Variants in SLC6A12 observed in about 807,000 individuals in gnomAD.
The protein encoded by SLC6A12 is solute carrier family 6 member 12.
In SLC6A12, 50 loss-of-function variants were observed where a neutral mutation model predicts 73.3. The ratio of observed to expected loss-of-function variants is 0.68; its 90% CI spans 0.54 to 0.86. The LOEUF (loss-of-function observed/expected upper bound fraction) is 0.86. Among genes scored for constraint, SLC6A12 ranks in the 40% least tolerant of loss-of-function variants. The pLI is 0.00. For missense variants in SLC6A12, 648 were observed against 772.8 expected (o/e 0.84, Z 1.92); for synonymous variants, 304 against 309.2 (o/e 0.98, Z 0.18).
downstream of SLC6A12, among the ~76,000 whole-genome samples, chr12:185,116 T>C (rs1415574651): frequency 6.6e-6 from 1 of 152,190 alleles, no homozygotes; most frequent in Non-Finnish European, 1.5e-5. Flanking sequence ...TGAGTGTCTA[T>C]GTAAAACACC....
At chr12:188,373 G>T (rs948769595), downstream of SLC6A12, among the ~76,000 whole-genome samples, 4 of 152,048 alleles carry the variant, frequency 2.6e-5, no homozygotes, top group Non-Finnish European at 5.9e-5. Flanking sequence ...CTCCGATTGT[G>T]GGGCCCGCCG....
downstream of SLC6A12, among the ~76,000 whole-genome samples, chr12:189,589 C>G (rs2137095232): frequency 6.6e-6 from 1 of 152,284 alleles, no homozygotes; most frequent in East Asian, 1.9e-4. Context: ...TACGAATCAC[C>G]CCCCTCATCC....
At position 198,833 on chromosome 12, in the gene SLC6A12, G is replaced by T. The variant is rs575437623; in HGVS notation, c.810C>A (p.Tyr270Ter). The change falls in exon 8 of 16, where the codon TAC (tyrosine) becomes TAA (stop). Residue 270 changes from tyrosine (Y) to a stop codon, truncating the protein, a stop_gained. Transcript: ENST00000684302. LOFTEE classifies it high-confidence loss of function. This position sits in a 1 kb window ranked among gnomAD's most constrained non-coding sequence, Gnocchi z 4.0. The stretch of plus-strand genomic sequence containing the variant: ...TGAGGCGGAACAAATCTGGCTTCAA[G>T]TAGTAGATGATGCCCTGGTAGGCTC... Reference protein sequence around the residue: ...LPGAYQGIIYYLKPDLFRLKD... With the variant: ...LPGAYQGIIY The T allele has an allele frequency of 6.2e-7, 1 of 1,614,204 alleles. No homozygotes were observed. The highest frequency in any genetic ancestry group is 1.3e-5 in the African/African-American group (1 of 75,066).
intron 3 of SLC6A12, among the ~76,000 whole-genome samples, chr12:206,907 C>T (rs576417865): frequency 6.6e-6 from 1 of 152,372 alleles, no homozygotes; most frequent in South Asian, 2.1e-4. Context: ...GCAGAAGGTC[C>T]TTCCCTCCAA....
chr12:185,799 C>T (rs1939420391), downstream of SLC6A12, among the ~76,000 whole-genome samples: 2 of 152,226 alleles, frequency 1.3e-5, no homozygotes, highest in South Asian at 4.1e-4. Context: ...TCGCCAGGGC[C>T]CAGGGCACTG....
At chr12:202,697 AG>A (rs771161132) in intron 5 of SLC6A12, 42 bp downstream of exon 5, 2 of 1,595,702 alleles carry the variant, frequency 1.3e-6, no homozygotes, top group South Asian at 2.3e-5. Flanking sequence ...ACCGCAGCCC[AG>A]CCCCTAACAG....
intron 13 of SLC6A12, among the ~76,000 whole-genome samples, chr12:194,551 T>A (rs1939773236): frequency 2.0e-5 from 3 of 152,220 alleles, no homozygotes; most frequent in South Asian, 4.1e-4. Context: ...ACTCTCCCCC[T>A]GCACAGATTG....
In SLC6A12 at chr12:192,524, A is replaced by C; in HGVS notation, c.1655T>G (p.Leu552Arg). The change falls in exon 15 of 16, where the codon CTC becomes CGC. Residue 552 changes from leucine (L) to arginine (R), a missense_variant. By Grantham distance (102) the Leu-to-Arg change is moderately radical. Transcript: ENST00000684302. Reference protein sequence around the residue: ...LALSSMVCVPLFVVITLLKTR... With the variant: ...LALSSMVCVPRFVVITLLKTR... Reference sequence around the variant, plus strand: ...CTTCAGGAGGGTGATGACGACGAAGAGTGGGACACAGACCATGGAGGACAG... The same window carrying C: ...CTTCAGGAGGGTGATGACGACGAAGCGTGGGACACAGACCATGGAGGACAG... 3 of 1,614,120 alleles carry C rather than the reference A, an allele frequency of 1.9e-6. No homozygotes were observed. Among genetic ancestry groups the C allele is most frequent in the Non-Finnish European group, 2.5e-6 (3 of 1,180,028 alleles).
Position 198,105 on chromosome 12 carries a change from C to G in SLC6A12, c.847-102G>C, listed in dbSNP as rs1192670618. Reference sequence around the variant, plus strand: ...CCCCTGCAGCACCAGCCTGGCCCCTCAGTGCTCCCTGAGCGCTTCCCTCCT... The same window carrying G: ...CCCCTGCAGCACCAGCCTGGCCCCTGAGTGCTCCCTGAGCGCTTCCCTCCT... On this transcript the variant is annotated intron_variant, in intron 8 of 15. Transcript: ENST00000684302. This position sits in a 1 kb window ranked among gnomAD's most constrained non-coding sequence, Gnocchi z 4.0. The G allele has an allele frequency of 1.1e-6, 1 of 873,046 alleles. No individual in the cohort carries two copies. Among genetic ancestry groups the G allele is most frequent in the South Asian group, 1.5e-5 (1 of 67,658 alleles). 54.1% of individuals were successfully genotyped at this position (873,046 alleles called of 1,614,324 possible). A position where few individuals can be genotyped will look rare whatever the true frequency, so the allele number is the denominator to read the frequency against.
chr12:184,681 C>T, the SLC6A12 span, among the ~76,000 whole-genome samples: 1 of 152,068 alleles, frequency 6.6e-6, no homozygotes, highest in African/African-American at 2.4e-5. Context: ...ACCCGGGAGG[C>T]GGAGCTTGCA....
intron 10 of SLC6A12, among the ~76,000 whole-genome samples, 195 bp downstream of exon 10, chr12:197,182 C>T (rs4994258): frequency 2.9e-3 from 238 of 83,440 alleles, no homozygotes; most frequent in Middle Eastern, 6.0e-3. Flanking sequence ...TCCATCCATC[C>T]ATCCATCCAT....
rs201019314 is a variant in SLC6A12, at chr12:210,031, C to T, written c.-45G>A. On this transcript the variant is annotated 5_prime_UTR_variant, in exon 3 of 16. Transcript: ENST00000684302. ...AAGCCCCGCTGGGTGGGCAGGATGACGAGGGCCAAAGCCTGGTGGGAAGAG... is the reference window on the plus strand; with the variant it reads ...AAGCCCCGCTGGGTGGGCAGGATGATGAGGGCCAAAGCCTGGTGGGAAGAG... The T allele has an allele frequency of 1.9e-5, 30 of 1,606,276 alleles. No homozygotes were observed. In the African/African-American group the frequency reaches 1.9e-4, roughly 10 times the overall value.
chr12:204,445 C>T (rs1309946716), intron 4 of SLC6A12, 119 bp downstream of exon 4: 22 of 1,011,458 alleles, frequency 2.2e-5, no homozygotes, highest in Middle Eastern at 3.1e-4. Context: ...CTGCACTTGG[C>T]GCAGGATATG....
Position 192,570 on chromosome 12 carries a change from A to C in SLC6A12, c.1609T>G (p.Ser537Ala). 1 of 1,614,012 alleles carries C rather than the reference A, an allele frequency of 6.2e-7. No individual in the cohort carries two copies. Among genetic ancestry groups the C allele is most frequent in the Non-Finnish European group, 8.5e-7 (1 of 1,179,930 alleles). ...GACAGAGCCAGGAACCAGCCAATGG[A>C]GTATCCCCAGGGCGGGTACACATAG... ...NVYVYPPWGYSIGWFLALSSM... is the reference protein window; with the variant it reads ...NVYVYPPWGYAIGWFLALSSM... Residue 537 changes from serine to alanine, a missense_variant, in exon 15 of 16, where the codon TCC becomes GCC. Transcript: ENST00000684302.
intron 3 of SLC6A12, among the ~76,000 whole-genome samples, chr12:208,678 T>C (rs987944201): frequency 1.3e-5 from 2 of 152,136 alleles, no homozygotes; most frequent in African/African-American, 4.8e-5. Context: ...ACATAAGCGT[T>C]GCCAAGGGCT....
At chr12:212,865 G>A (rs1591811006) in intron 1 of SLC6A12, among the ~76,000 whole-genome samples, 1 of 152,194 alleles carries the variant, frequency 6.6e-6, no homozygotes, top group Admixed American at 6.5e-5. Context: ...CTCCAAGGCC[G>A]CCCACCTGCT....
downstream of SLC6A12, among the ~76,000 whole-genome samples, chr12:185,804 G>A (rs1939420488): frequency 6.6e-6 from 1 of 152,228 alleles, no homozygotes; most frequent in African/African-American, 2.4e-5. Flanking sequence ...AGGGCCCAGG[G>A]CACTGACCCA....
At chr12:200,916 C>A in intron 6 of SLC6A12, 133 bp from the exon 7 acceptor site, 1 of 833,652 alleles carries the variant, frequency 1.2e-6, no homozygotes. Context: ...CTCCCCACCT[C>A]CCCCACAGTC....
chr12:185,772 G>C (rs1456851995), downstream of SLC6A12, among the ~76,000 whole-genome samples: 2 of 152,206 alleles, frequency 1.3e-5, no homozygotes, highest in Non-Finnish European at 2.9e-5. Flanking sequence ...TGGAAGCAGA[G>C]AGCGCTGGAG....
Sources: gnomAD v4.1 joint callset for allele counts (sites outside exome capture counted in the v4.1 genomes callset) on GRCh38, gnomAD v4.1.1 for gene constraint, Gnocchi (gnomAD v3.1) non-coding constraint, MANE v1.5 for transcripts, NCBI Gene and HGNC (gene_info 2026-07-23, HGNC 2026-07-21) for gene names.